Variants in WDR72 observed in about 807,000 individuals in gnomAD.
WDR72 encodes WD repeat-containing protein 72.
WDR72 carries 120 observed loss-of-function variants against 124.2 expected under a neutral mutation model. The ratio of observed to expected loss-of-function variants is 0.97; its 90% confidence interval spans 0.83 to 1.12. WDR72 has a LOEUF of 1.12. Ranked by LOEUF, WDR72 falls within the 50% of genes most tolerant of loss-of-function variation. WDR72 has a pLI of 0.00. For missense variants in WDR72, 1,387 were observed against 1,278.8 expected (o/e 1.08, Z -1.29); for synonymous variants, 452 against 441.7 (o/e 1.02, Z -0.29).
At chr15:53,738,586 TTTTGTTTGTTTG>T (rs58374481) in intron 1 of WDR72, among the ~76,000 whole-genome samples, 5 of 151,704 alleles carry the variant, frequency 3.3e-5, no homozygotes, top group Non-Finnish European at 7.4e-5. Context: ...TTTTTTTTGT[TTTTGTTTGTTTG>T]TTTGTTTGTT....
At chr15:53,762,458 G>A (rs1364836120), upstream of WDR72, among the ~76,000 whole-genome samples, 1 of 152,194 alleles carries the variant, frequency 6.6e-6, no homozygotes, top group African/African-American at 2.4e-5. Context: ...TAAAGGCAGG[G>A]ACACCAAGCA....
rs775768086 is a variant in WDR72 at position 53,663,063 on chromosome 15, G to A, written c.1962+2509C>T. ...TGATTGTGCTGGAGTGCAGTGGCAC[G>A]ATCTCTAAAAATAAGACCCTGCCTC... On this transcript the variant is annotated intron_variant, in intron 14 of 19. Transcript: ENST00000360509. Among the ~76,000 whole-genome samples the A allele has an allele frequency of 1.1e-3, 164 of 149,670 alleles. 3 individuals are homozygous for A. Among genetic ancestry groups the A allele is most frequent in the Middle Eastern group, 3.4e-3 (1 of 292 alleles).
chr15:53,619,815 A>G lies in WDR72; in HGVS notation c.1963-3572T>C, dbSNP rs138086160. Among the ~76,000 whole-genome samples the G allele has an allele frequency of 2.2e-3, 329 of 152,172 alleles. 1 individual carries two copies. Among genetic ancestry groups the G allele is most frequent in the Non-Finnish European group, 2.6e-3 (177 of 67,976 alleles). On this transcript the variant is annotated intron_variant, in intron 14 of 19. Transcript: ENST00000360509. Reference sequence around the variant, plus strand: ...CTTTTTACCTCTAAGAATTTCTGTAAATTTCTTGTTAATTCTAATATGCAT... The same window carrying G: ...CTTTTTACCTCTAAGAATTTCTGTAGATTTCTTGTTAATTCTAATATGCAT...
rs1000516820 is a variant in WDR72 at position 53,714,433 on chromosome 15, C to G, written c.591+1G>C. 1 of 1,613,316 alleles carries G rather than the reference C, an allele frequency of 6.2e-7. No homozygotes were observed. Among genetic ancestry groups the G allele is most frequent in the Non-Finnish European group, 8.5e-7 (1 of 1,179,470 alleles). On this transcript the variant is annotated splice_donor_variant, in intron 6 of 19. Coordinates refer to ENST00000360509, the MANE Select transcript of WDR72 (RefSeq NM_182758.4). LOFTEE classifies it high-confidence loss of function. Reference sequence around the variant, plus strand: ...AAAAAGAGTAGGGTTCCCAAGCCAACCTGAATGCTGTTGATAGATGAGGAA... The same window carrying G: ...AAAAAGAGTAGGGTTCCCAAGCCAAGCTGAATGCTGTTGATAGATGAGGAA...
intron 18 of WDR72, among the ~76,000 whole-genome samples, chr15:53,595,247 A>C (rs2012716621): frequency 6.6e-6 from 1 of 151,978 alleles, no homozygotes; most frequent in Non-Finnish European, 1.5e-5. Flanking sequence ...CTTTAATCCA[A>C]ATGTCTTTAG....
At chr15:53,694,355 G>A (rs954242639) in intron 13 of WDR72, among the ~76,000 whole-genome samples, 3 of 152,128 alleles carry the variant, frequency 2.0e-5, no homozygotes, top group African/African-American at 2.4e-5. Context: ...ATCAGCTGTC[G>A]CTTCTGCTAT....
At chr15:53,535,435 T>TTTA (rs1377284477) in intron 18 of WDR72, among the ~76,000 whole-genome samples, 1 of 152,150 alleles carries the variant, frequency 6.6e-6, no homozygotes, top group East Asian at 1.9e-4. Flanking sequence ...ATCACAGAGA[T>TTTA]TTATTTGCAA....
chr15:53,524,435 C>G (rs974117628), intron 18 of WDR72, among the ~76,000 whole-genome samples: 2 of 152,092 alleles, frequency 1.3e-5, no homozygotes, highest in African/African-American at 4.8e-5. Flanking sequence ...GACAAGAAAG[C>G]AATGCAGAGG....
intron 14 of WDR72, among the ~76,000 whole-genome samples, chr15:53,635,895 C>T (rs1466067474): frequency 6.6e-6 from 1 of 152,078 alleles, no homozygotes; most frequent in Non-Finnish European, 1.5e-5. Flanking sequence ...TGCCATTACA[C>T]CACGGGTTAA....
chr15:53,607,092 T>G (rs547048438), intron 17 of WDR72, among the ~76,000 whole-genome samples: 1 of 152,238 alleles, frequency 6.6e-6, no homozygotes, highest in South Asian at 2.1e-4. Flanking sequence ...AAACTTCTAG[T>G]AAACATTCAT....
Position 53,514,294 on chromosome 15 carries a change from GTA to G in WDR72, c.*3403_*3404del, listed in dbSNP as rs1367692656. ...TTTTATATAACTGAGCAATCAAAAT[GTA>G]TGAATATAAAATTTAAAAAATTGAA... On this transcript the variant is annotated 3_prime_UTR_variant, in exon 20 of 20. Coordinates refer to ENST00000360509, the MANE Select transcript of WDR72 (RefSeq NM_182758.4). 1 of 152,088 alleles carries G rather than the reference GTA, an allele frequency of 6.6e-6. No individual in the cohort carries two copies. Among genetic ancestry groups the G allele is most frequent in the Non-Finnish European group, 1.5e-5 (1 of 68,016 alleles). 9.4% of individuals were successfully genotyped at this position (152,088 alleles called of 1,614,324 possible).
chr15:53,596,430 G>C (rs1414546207), intron 18 of WDR72, among the ~76,000 whole-genome samples: 1 of 152,052 alleles, frequency 6.6e-6, no homozygotes, highest in East Asian at 1.9e-4. Flanking sequence ...GGAAGTGACA[G>C]TGACGAAGTT....
At chr15:53,702,694 G>A (rs1056977342) in intron 11 of WDR72, among the ~76,000 whole-genome samples, 1 of 152,076 alleles carries the variant, frequency 6.6e-6, no homozygotes, top group Admixed American at 6.5e-5. Flanking sequence ...CCAACATGGT[G>A]AAACCCCATC....
chr15:53,687,935 C>G (rs1240303619), intron 13 of WDR72, among the ~76,000 whole-genome samples: 1 of 149,534 alleles, frequency 6.7e-6, no homozygotes, highest in Non-Finnish European at 1.5e-5. Flanking sequence ...TGTAATCCAG[C>G]ATATAAACAG....
At chr15:53,553,365 A>G (rs1785395813) in intron 18 of WDR72, among the ~76,000 whole-genome samples, 1 of 152,164 alleles carries the variant, frequency 6.6e-6, no homozygotes, top group Admixed American at 6.6e-5. Flanking sequence ...TCAGCTAATG[A>G]GCTGCCTCAA....
chr15:53,727,864 A>C (rs16966570), intron 2 of WDR72, among the ~76,000 whole-genome samples: 21,176 of 152,242 alleles, frequency 0.14, 1,680 homozygotes, highest in Middle Eastern at 0.2. Flanking sequence ...GCTGTGAAGA[A>C]TAACAAAATT....
At chr15:53,760,913 C>A (rs181574234), upstream of WDR72, among the ~76,000 whole-genome samples, 20 of 152,198 alleles carry the variant, frequency 1.3e-4, no homozygotes, top group East Asian at 3.9e-3. Flanking sequence ...CACTTGAAGT[C>A]AGGAGTTCGA....
At chr15:53,634,227 A>G (rs2014540838) in intron 14 of WDR72, among the ~76,000 whole-genome samples, 1 of 152,220 alleles carries the variant, frequency 6.6e-6, no homozygotes, top group African/African-American at 2.4e-5. Context: ...AGCCTGCTTA[A>G]CTAGGAACCT....
At chr15:53,581,683 G>T (rs951633368) in intron 18 of WDR72, among the ~76,000 whole-genome samples, 2 of 151,852 alleles carry the variant, frequency 1.3e-5, no homozygotes, top group Admixed American at 6.6e-5. Context: ...AACTCACTTC[G>T]CAGAGCAGAA....
Sources: gnomAD v4.1 joint callset for allele counts (sites outside exome capture counted in the v4.1 genomes callset) on GRCh38, gnomAD v4.1.1 for gene constraint, MANE v1.5 for transcripts, NCBI Gene and HGNC (gene_info 2026-07-23, HGNC 2026-07-21) for gene names.